The following PAFAH2 variants were observed in gnomAD, a reference collection of about 807,000 sequenced individuals.
The protein encoded by PAFAH2 is platelet activating factor acetylhydrolase 2.
Under a neutral mutation model 49.0 loss-of-function variants are expected in PAFAH2, and 42 were observed. The ratio of observed to expected loss-of-function variants is 0.86; its 90% CI spans 0.67 to 1.11. The LOEUF is 1.11. PAFAH2 is among the 50% of genes least tolerant of loss of function. The probability of loss-of-function intolerance (pLI) is 0.00; values close to 1 mark genes in which losing one functional copy is unlikely to be tolerated. For missense variants in PAFAH2, 503 were observed against 501.8 expected, an observed-to-expected ratio of 1.00 and a Z score of -0.02; for synonymous variants, 184 against 181.3, an observed-to-expected ratio of 1.01 and a Z score of -0.12.
chr1:25,983,171 G>A (rs976202612), intron 6 of PAFAH2, among the ~76,000 whole-genome samples: 6 of 151,928 alleles, frequency 3.9e-5, no homozygotes, highest in African/African-American at 1.5e-4. Flanking sequence ...TGGGAGGATC[G>A]CTTGAGTTCA....
Position 25,983,988 on chromosome 1 carries a change from T to C in PAFAH2, c.510A>G (p.Arg170=), listed in dbSNP as rs995881253. Residue 170 remains arginine, a synonymous_variant, in exon 6 of 11, where the codon CGA becomes CGG. Coordinates refer to ENST00000374282, the MANE Select transcript of PAFAH2 (RefSeq NM_000437.4). The stretch of plus-strand genomic sequence containing the variant: ...GAAATTCCTTCTCCCCTTCCTCAAC[T>C]CGACGGAAAGGGATCCATTCCTCCT... ...SLQEEWIPFR[R]VEEGEKEFHV... is the part of the protein sequence containing the mutation. 1.1e-5 allele frequency: 18 copies of C among 1,613,998 alleles called. No homozygotes were observed. The highest frequency in any genetic ancestry group is 1.4e-5 in the Non-Finnish European group (17 of 1,180,010).
intron 9 of PAFAH2, among the ~76,000 whole-genome samples, chr1:25,973,495 G>A (rs1292144699): frequency 6.6e-6 from 1 of 152,168 alleles, no homozygotes; most frequent in East Asian, 1.9e-4. Context: ...TTGAATAAAC[G>A]ATACATTGCC....
In PAFAH2 at chr1:25,979,641, C is replaced by T. The variant is rs186856513; in HGVS notation, c.666+2723G>A. Among the ~76,000 whole-genome samples, 17 of 152,240 alleles carry T rather than the reference C, an allele frequency of 1.1e-4. No homozygotes were observed. The East Asian group carries it at 3.3e-3, about 29-fold the overall frequency. ...TAGCTGGGATCACAGGTGTCTGCCA[C>T]CATGCCCAGCTAATTTTTTTGTATT... On this transcript the variant is annotated intron_variant, in intron 7 of 10. Transcript: ENST00000374282.
chr1:25,975,261 C>T (rs553073027), intron 8 of PAFAH2, among the ~76,000 whole-genome samples: 43 of 152,120 alleles, frequency 2.8e-4, no homozygotes, highest in African/African-American at 1.0e-3. Context: ...AATCATCTTC[C>T]ACTCAAATAA....
At chr1:25,990,942 C>T (rs751482494) in intron 1 of PAFAH2, 79 bp from the exon 2 acceptor site, 2 of 668,928 alleles carry the variant, frequency 3.0e-6, no homozygotes, top group Non-Finnish European at 5.4e-6. Flanking sequence ...TTATCTGTTA[C>T]CCTGTCCACC....
chr1:25,974,427 AGCAAGTG>A, intron 9 of PAFAH2, 46 bp downstream of exon 9: 1 of 1,468,384 alleles, frequency 6.8e-7, no homozygotes, highest in Non-Finnish European at 9.1e-7. Flanking sequence ...AGGGCACCAC[AGCAAGTG>A]GCAAATGGAG....
intron 4 of PAFAH2, among the ~76,000 whole-genome samples, chr1:25,987,787 A>G (rs1474673494): frequency 6.6e-6 from 1 of 152,002 alleles, no homozygotes; most frequent in Non-Finnish European, 1.5e-5. Context: ...CTGAGGCAGG[A>G]GCACTGCTTG....
intron 1 of PAFAH2, among the ~76,000 whole-genome samples, chr1:25,993,355 G>A (rs193087473): frequency 1.9e-4 from 29 of 152,156 alleles, no homozygotes; most frequent in African/African-American, 2.4e-4. Context: ...GAGCATTTCC[G>A]TCAATCCCCT....
At chr1:25,974,676 T>G in intron 8 of PAFAH2, 26 bp from the exon 9 acceptor site, 1 of 1,600,176 alleles carries the variant, frequency 6.2e-7, no homozygotes, top group East Asian at 2.3e-5. Context: ...ACATTTGGAA[T>G]TGCCATGCGG....
intron 1 of PAFAH2, among the ~76,000 whole-genome samples, chr1:25,992,266 G>A (rs2049886343): frequency 6.6e-6 from 1 of 152,046 alleles, no homozygotes; most frequent in Non-Finnish European, 1.5e-5. Context: ...ACTTATGCTG[G>A]GCCTTTAAAG....
chr1:25,989,379 C>T (rs2049838032), intron 3 of PAFAH2, 69 bp downstream of exon 3: 8 of 1,415,618 alleles, frequency 5.7e-6, no homozygotes, highest in Admixed American at 2.4e-5. Flanking sequence ...GTACTGCGTC[C>T]ACCTGGGGAT....
rs1046425739 is a variant in PAFAH2 at position 25,997,798 on chromosome 1, G to C, written c.-48+227C>G. Among the ~76,000 whole-genome samples the C allele has an allele frequency of 2.6e-5, 4 of 152,256 alleles. No individual in the cohort carries two copies. In the South Asian group the frequency reaches 6.2e-4, roughly 24 times the overall value. On this transcript the variant is annotated intron_variant, in intron 1 of 10. Coordinates refer to ENST00000374282, the MANE Select transcript of PAFAH2 (RefSeq NM_000437.4). ...GGCTGCGGGGGCTGGGTCCTGGGAC[G>C]GGAGCTCAGTGGGGATTCCAGGGGC...
intron 2 of PAFAH2, among the ~76,000 whole-genome samples, chr1:25,990,493 C>A (rs1263137746): frequency 6.6e-6 from 1 of 152,304 alleles, no homozygotes; most frequent in East Asian, 1.9e-4. Context: ...AGAGTCCCCC[C>A]TTTCCTCCTA....
chr1:25,991,408 T>A (rs916726082), intron 1 of PAFAH2, among the ~76,000 whole-genome samples: 8 of 151,908 alleles, frequency 5.3e-5, no homozygotes, highest in African/African-American at 1.9e-4. Flanking sequence ...GCCTCCTGAG[T>A]AGCTGGGATT....
intron 1 of PAFAH2, among the ~76,000 whole-genome samples, chr1:25,993,735 G>A (rs762353751): frequency 1.1e-4 from 16 of 152,046 alleles, no homozygotes; most frequent in Non-Finnish European, 1.5e-4. Context: ...TTTCCCCATC[G>A]CTTGTTGTTG....
chr1:25,990,442 C>T (rs1308482100), intron 2 of PAFAH2, among the ~76,000 whole-genome samples: 2 of 152,182 alleles, frequency 1.3e-5, no homozygotes, highest in Non-Finnish European at 2.9e-5. Flanking sequence ...GGCATCTGCC[C>T]TCAAGAAAGG....
At position 25,994,237 on chromosome 1, in the gene PAFAH2, C is replaced by T. The variant is rs549214510; in HGVS notation, c.-47-3374G>A. ...CCTCACCCTCCCAGCTCAAGTGATG[C>T]TCCCACCTCAGCCTCCTGGGTGGCT... On this transcript the variant is annotated intron_variant, in intron 1 of 10. Coordinates refer to ENST00000374282, the MANE Select transcript of PAFAH2 (RefSeq NM_000437.4). Among the ~76,000 whole-genome samples, 3 of 150,748 alleles carry T rather than the reference C, an allele frequency of 2.0e-5. No homozygotes were observed. The East Asian group carries it at 5.9e-4, about 30-fold the overall frequency.
Position 25,984,151 on chromosome 1 carries a change from C to A in PAFAH2, c.411-64G>T, listed in dbSNP as rs767432562. Reference sequence around the variant, plus strand: ...TTCTTGAGTTTATTTTTCCCCTTTACCAAAGCCTCCCTTTCATCCAGGAGG... The same window carrying A: ...TTCTTGAGTTTATTTTTCCCCTTTAACAAAGCCTCCCTTTCATCCAGGAGG... On this transcript the variant is annotated intron_variant, in intron 5 of 10. Coordinates refer to ENST00000374282, the MANE Select transcript of PAFAH2 (RefSeq NM_000437.4). The A allele has an allele frequency of 3.1e-6, 5 of 1,588,964 alleles. No homozygotes were observed. In the South Asian group the frequency reaches 4.4e-5, roughly 14 times the overall value.
chr1:25,980,870 A>G (rs1457996876), intron 7 of PAFAH2, among the ~76,000 whole-genome samples: 2 of 151,888 alleles, frequency 1.3e-5, no homozygotes, highest in African/African-American at 4.8e-5. Context: ...ACAAAAAATT[A>G]GCTGGGCATG....
Sources: allele counts gnomAD v4.1 joint callset (sites outside exome capture counted in the v4.1 genomes callset), GRCh38; gene constraint gnomAD v4.1.1; transcripts MANE v1.5; gene names NCBI Gene and HGNC (gene_info 2026-07-23, HGNC 2026-07-21).